TMEM132B: variants seen among roughly 807,000 people sequenced by gnomAD.
TMEM132B encodes transmembrane protein 132B.
Under a neutral mutation model 90.8 loss-of-function variants are expected in TMEM132B, and 18 were observed. The ratio of observed to expected loss-of-function variants is 0.20; its 90% CI spans 0.14 to 0.29. TMEM132B has a LOEUF of 0.29. TMEM132B is among the 10% of genes least tolerant of loss of function. TMEM132B has a pLI of 1.00. For missense variants in TMEM132B, 1,096 were observed against 1,326.8 expected, an observed-to-expected ratio of 0.83 and a Z score of 2.70; for synonymous variants, 504 against 523.3, an observed-to-expected ratio of 0.96 and a Z score of 0.50.
Position 125,334,630 on chromosome 12 carries a change from A to G in TMEM132B, c.68-14822A>G, listed in dbSNP as rs151167271. Among the ~76,000 whole-genome samples, 68 of 152,264 alleles carry G rather than the reference A, an allele frequency of 4.5e-4. 1 individual carries two copies. In the East Asian group the frequency reaches 0.013, roughly 29 times the overall value. ...CTGTCAGTGCCCCTGTTTAGTTGTC[A>G]TGGATGCAGCACGCTTACCTATACT... On this transcript the variant is annotated intron_variant, in intron 1 of 8. Coordinates refer to ENST00000682704, the MANE Select transcript of TMEM132B (RefSeq NM_001366854.1).
chr12:125,227,114 C>A (rs1485052073), intron 1 of TMEM132B, among the ~76,000 whole-genome samples: 2 of 152,226 alleles, frequency 1.3e-5, no homozygotes, highest in South Asian at 4.1e-4. Flanking sequence ...GGGTTCACTC[C>A]AAAGTGATTT....
intron 1 of TMEM132B, among the ~76,000 whole-genome samples, chr12:125,290,847 T>G (rs1188177823): frequency 6.6e-6 from 1 of 152,204 alleles, no homozygotes; most frequent in East Asian, 1.9e-4. Flanking sequence ...GTTCAAGGCA[T>G]GTATGGTAGA....
At chr12:125,537,983 G>C (rs1460800161) in intron 4 of TMEM132B, among the ~76,000 whole-genome samples, 1 of 152,090 alleles carries the variant, frequency 6.6e-6, no homozygotes, top group Non-Finnish European at 1.5e-5. Flanking sequence ...TCTCCACACT[G>C]TGCCCATCCC....
intron 4 of TMEM132B, among the ~76,000 whole-genome samples, chr12:125,555,981 G>A (rs1884376088): frequency 6.6e-6 from 1 of 152,174 alleles, no homozygotes; most frequent in Admixed American, 6.5e-5. Context: ...TGCTGTCTTG[G>A]GTGTCTGCTG....
chr12:125,231,995 A>G lies in TMEM132B; in HGVS notation c.67+45129A>G, dbSNP rs116127715. 4.8e-3 allele frequency among the ~76,000 whole-genome samples: 737 copies of G among 152,238 alleles called. 7 individuals carry two copies. Among genetic ancestry groups the G allele is most frequent in the African/African-American group, 0.017 (695 of 41,552 alleles). The stretch of plus-strand genomic sequence containing the variant: ...GTATGGGTGTGTGTGTTTTTTAAAA[A>G]TCTATGTGAAGGAAGGCACAGTATA... On this transcript the variant is annotated intron_variant, in intron 1 of 8. Coordinates refer to ENST00000682704, the MANE Select transcript of TMEM132B (RefSeq NM_001366854.1).
chr12:125,270,730 T>G (rs1874816683), intron 1 of TMEM132B, among the ~76,000 whole-genome samples: 1 of 131,250 alleles, frequency 7.6e-6, no homozygotes, highest in Non-Finnish European at 1.5e-5. Context: ...GGATGTTGAA[T>G]CCCTTGCACT....
At chr12:125,641,080 A>T (rs1167834493) in intron 5 of TMEM132B, among the ~76,000 whole-genome samples, 1 of 152,120 alleles carries the variant, frequency 6.6e-6, no homozygotes, top group Non-Finnish European at 1.5e-5. Flanking sequence ...GTCCTACTGG[A>T]TCCAGCGCCC....
chr12:125,565,840 G>A (rs1241033850), intron 4 of TMEM132B, among the ~76,000 whole-genome samples: 1 of 152,220 alleles, frequency 6.6e-6, no homozygotes, highest in Non-Finnish European at 1.5e-5. Flanking sequence ...AGGCTAAAAG[G>A]CAACTTTTGG....
At chr12:125,196,893 C>T (rs1433782414) in intron 1 of TMEM132B, among the ~76,000 whole-genome samples, 1 of 152,060 alleles carries the variant, frequency 6.6e-6, no homozygotes, top group Non-Finnish European at 1.5e-5. Flanking sequence ...TGCTGCTTGC[C>T]CCAGGAGAAA....
intron 1 of TMEM132B, among the ~76,000 whole-genome samples, chr12:125,307,746 G>GTC (rs1876012664): frequency 9.0e-6 from 1 of 111,118 alleles, no homozygotes. Flanking sequence ...TGTAATATAA[G>GTC]TATATATACT....
intron 1 of TMEM132B, among the ~76,000 whole-genome samples, chr12:125,269,950 C>T (rs563964596): frequency 8.6e-5 from 13 of 151,846 alleles, no homozygotes; most frequent in African/African-American, 3.1e-4. Context: ...TGGAAAAGAG[C>T]AAGGGGATCA....
At chr12:125,482,956 G>A (rs1013515547) in intron 3 of TMEM132B, among the ~76,000 whole-genome samples, 5 of 152,180 alleles carry the variant, frequency 3.3e-5, no homozygotes, top group African/African-American at 1.2e-4. Context: ...CAACATGGAT[G>A]AAGCTGGAAA....
chr12:125,504,843 G>T (rs1882789630), intron 3 of TMEM132B, among the ~76,000 whole-genome samples: 1 of 151,842 alleles, frequency 6.6e-6, no homozygotes, highest in Admixed American at 6.6e-5. Context: ...AAGAACCAGA[G>T]GCAGTGTTTG....
At chr12:125,357,427 G>GT (rs2136244215) in intron 2 of TMEM132B, among the ~76,000 whole-genome samples, 1 of 152,222 alleles carries the variant, frequency 6.6e-6, no homozygotes. Flanking sequence ...CTTCTGTGCA[G>GT]TTTTTGTTTA....
chr12:125,492,919 C>G lies in TMEM132B; in HGVS notation c.1107-26520C>G, dbSNP rs1253743544. On this transcript the variant is annotated intron_variant, in intron 3 of 8. Coordinates refer to ENST00000682704, the MANE Select transcript of TMEM132B (RefSeq NM_001366854.1). The surrounding 1 kb of genome is among the most constrained non-coding windows in gnomAD (Gnocchi z 5.8). ...AAAATAAACCCGTGAAGATAGATAA[C>G]TATCTAAGGACGAATGGCAAAGAGC... 6.6e-6 allele frequency among the ~76,000 whole-genome samples: 1 copy of G among 152,212 alleles called. No homozygotes were observed. Among genetic ancestry groups the G allele is most frequent in the East Asian group, 1.9e-4 (1 of 5,194 alleles).
At chr12:125,258,635 T>TA (rs1251862810) in intron 1 of TMEM132B, among the ~76,000 whole-genome samples, 3 of 152,040 alleles carry the variant, frequency 2.0e-5, no homozygotes, top group African/African-American at 7.2e-5. Flanking sequence ...AAAGTCCTCA[T>TA]AAGCCCACCC....
chr12:125,559,459 A>G (rs1397107126), intron 4 of TMEM132B, among the ~76,000 whole-genome samples: 6 of 152,234 alleles, frequency 3.9e-5, no homozygotes. Flanking sequence ...TGAGATAAGT[A>G]ATAAGAAAAA....
chr12:125,338,401 G>A (rs138408459), intron 1 of TMEM132B, among the ~76,000 whole-genome samples: 12 of 152,148 alleles, frequency 7.9e-5, no homozygotes, highest in Non-Finnish European at 1.8e-4. Context: ...ACCCACACTT[G>A]GATGCCTGAC....
intron 1 of TMEM132B, among the ~76,000 whole-genome samples, chr12:125,220,162 ACTTTT>A (rs1873526367): frequency 6.6e-6 from 1 of 152,130 alleles, no homozygotes; most frequent in Non-Finnish European, 1.5e-5. Context: ...TATTTTCTCC[ACTTTT>A]CTTATAGCAA....
Sources: allele counts gnomAD v4.1 joint callset (sites outside exome capture counted in the v4.1 genomes callset), GRCh38; gene constraint gnomAD v4.1.1; non-coding constraint Gnocchi (gnomAD v3.1); transcripts MANE v1.5; gene names NCBI Gene and HGNC (gene_info 2026-07-23, HGNC 2026-07-21).